Variants in GANAB observed in about 807,000 individuals in gnomAD.
The protein encoded by GANAB is glucosidase II alpha subunit, also known as neutral alpha-glucosidase AB.
In GANAB, 35 loss-of-function variants were observed where a neutral mutation model predicts 129.9. The observed-to-expected ratio is 0.27, with a 90% confidence interval of 0.21 to 0.36. The LOEUF is 0.36. GANAB is among the 10% of genes least tolerant of loss of function. The pLI, the probability that GANAB is intolerant of heterozygous loss-of-function variation, is 1.00. For missense variants in GANAB, 939 were observed against 1,221.0 expected (o/e 0.77, Z 3.44); for synonymous variants, 482 against 451.8 (o/e 1.07, Z -0.85).
chr11:62,630,306 C>T, intron 12 of GANAB, 30 bp from the exon 13 acceptor site: 1 of 1,612,892 alleles, frequency 6.2e-7, no homozygotes, highest in Non-Finnish European at 8.5e-7. Context: ...GCTCTCAATC[C>T]CCTAAGGGGC....
rs749393909 is a variant in GANAB, at chr11:62,630,392, G to A, written c.1500C>T (p.Gly500=). 2 of 1,614,166 alleles carry A rather than the reference G, an allele frequency of 1.2e-6. No homozygotes were observed. Among genetic ancestry groups the A allele is most frequent in the South Asian group, 2.2e-5 (2 of 91,090 alleles). Residue 500 remains glycine, a synonymous_variant, in exon 12 of 24, where the codon GGC becomes GGT. Transcript: ENST00000356638. ...VKTRDGSDYE[G]WCWPGSAGYP... ...GGGTCTGCTTACCTGGCCAGCACCAGCCCTCATAGTCAGAGCCATCCCGGG... is the reference window on the plus strand; with the variant it reads ...GGGTCTGCTTACCTGGCCAGCACCAACCCTCATAGTCAGAGCCATCCCGGG...
intron 17 of GANAB, 132 bp from the exon 18 acceptor site, chr11:62,627,485 A>G (rs1943449580): frequency 1.6e-6 from 1 of 619,696 alleles, no homozygotes; most frequent in Non-Finnish European, 2.9e-6. Context: ...TAATCCCAAC[A>G]CTTTGGGAGG....
intron 17 of GANAB, among the ~76,000 whole-genome samples, chr11:62,627,796 C>CA (rs1410776330): frequency 6.6e-6 from 1 of 152,150 alleles, no homozygotes. Context: ...TGCAGTCAGA[C>CA]AGTCGGGTTG....
At chr11:62,630,914 G>C in intron 10 of GANAB, 78 bp from the exon 11 acceptor site, 3 of 1,475,740 alleles carry the variant, frequency 2.0e-6, no homozygotes, top group Non-Finnish European at 2.8e-6. Context: ...TTGTGAACTA[G>C]AGGCAGGCTG....
rs1943387961 is a variant in GANAB, at chr11:62,626,566, C to A, written c.2511+5G>T. The A allele has an allele frequency of 6.3e-7, 1 of 1,588,176 alleles. No homozygotes were observed. On this transcript the variant is annotated splice_donor_5th_base_variant and intron_variant, in intron 21 of 23. Coordinates refer to ENST00000356638, the MANE Select transcript of GANAB (RefSeq NM_198334.3). ...GCTGAGGAGACTCGCTGCCTATGCA[C>A]TTACCTGAGGGCTAAGTGCAACAAA...
At chr11:62,632,954 C>T in intron 8 of GANAB, 51 bp downstream of exon 8, 1 of 1,159,844 alleles carries the variant, frequency 8.6e-7, no homozygotes. Flanking sequence ...CCCTAAAGGC[C>T]TGACTCCTTC....
intron 17 of GANAB, 79 bp downstream of exon 17, chr11:62,628,688 AAG>A: frequency 1.4e-6 from 2 of 1,437,458 alleles, no homozygotes; most frequent in Non-Finnish European, 1.9e-6. Context: ...TGAGTGAAGA[AAG>A]AGACCCAGAG....
rs774283742 is a variant in GANAB at position 62,627,312 on chromosome 11, T to C, written c.2222A>G (p.Asn741Ser). Residue 741 changes from asparagine to serine, a missense_variant, in exon 18 of 24, where the codon AAT becomes AGT. By Grantham distance (46) the Asn-to-Ser change is conservative. This residue lies in a region of GANAB where 230 missense variants were observed against 259.9 expected (regional missense o/e 0.89). Transcript: ENST00000356638. ...ACCAAGCAAGTACTGATCATCTATA[T>C]TGAAGGTAGTCACATCCTGAGGGTA... The part of the protein sequence containing the change: ...VQYPQDVTTF[N>S]IDDQYLLGDA... 16 of 1,583,314 alleles carry C rather than the reference T, an allele frequency of 1.0e-5. No homozygotes were observed. The East Asian group carries it at 2.2e-4, about 22-fold the overall frequency.
rs890126441 is a variant in GANAB at position 62,628,376 on chromosome 11, C to T, written c.2180+393G>A. Among the ~76,000 whole-genome samples, 7 of 151,856 alleles carry T rather than the reference C, an allele frequency of 4.6e-5. 1 individual carries two copies. The highest frequency in any genetic ancestry group is 1.0e-4 in the Non-Finnish European group (7 of 67,988). On this transcript the variant is annotated intron_variant, in intron 17 of 23. Transcript: ENST00000356638. ...GGATTACAGGCGCCATGATGCCCAG[C>T]TAATTTTTGTATTTTTAGTAGAGAT... is the stretch of plus-strand genomic sequence containing the variant.
chr11:62,636,403 C>A (rs897824926), intron 4 of GANAB, among the ~76,000 whole-genome samples: 2 of 150,246 alleles, frequency 1.3e-5, no homozygotes, highest in Admixed American at 6.6e-5. Context: ...GTGTTCAAGA[C>A]CAGACTGGGC....
At chr11:62,632,842 C>T (rs1204193907) in intron 8 of GANAB, 97 bp from the exon 9 acceptor site, 1 of 1,089,168 alleles carries the variant, frequency 9.2e-7, no homozygotes, top group Non-Finnish European at 1.4e-6. Context: ...TAAGCAAAGG[C>T]TCCTCTTGTC....
At chr11:62,641,304 A>G (rs1010932285) in intron 1 of GANAB, among the ~76,000 whole-genome samples, 1 of 145,930 alleles carries the variant, frequency 6.9e-6, no homozygotes, top group African/African-American at 2.5e-5. Context: ...AGATTGTGCT[A>G]CTGCACTCCA....
intron 23 of GANAB, 32 bp from the exon 24 acceptor site, chr11:62,625,956 T>C (rs777319548): frequency 4.7e-6 from 7 of 1,499,050 alleles, no homozygotes; most frequent in Non-Finnish European, 6.5e-6. Context: ...GCCATAGTCA[T>C]ACCAATGGGC....
Position 62,630,266 on chromosome 11 carries a change from A to T in GANAB, c.1524T>A (p.Gly508=). 6.2e-7 allele frequency: 1 copy of T among 1,613,644 alleles called. No individual in the cohort carries two copies. Among genetic ancestry groups the T allele is most frequent in the Non-Finnish European group, 8.5e-7 (1 of 1,179,732 alleles). Residue 508 remains glycine (G), a synonymous_variant, in exon 13 of 24, where the codon GGT becomes GGA. Coordinates refer to ENST00000356638, the MANE Select transcript of GANAB (RefSeq NM_198334.3). ...YEGWCWPGSA[G]YPDFTNPTMR... ...TCGTGGGATTAGTGAAGTCAGGGTAACCAGCTGAGCCTGGGAGAAGTTAAG... is the reference window on the plus strand; with the variant it reads ...TCGTGGGATTAGTGAAGTCAGGGTATCCAGCTGAGCCTGGGAGAAGTTAAG...
chr11:62,632,920 A>G, intron 8 of GANAB, 85 bp downstream of exon 8: 1 of 996,566 alleles, frequency 1.0e-6, no homozygotes, highest in East Asian at 2.4e-5. Flanking sequence ...GCTTGCCTAG[A>G]GTATCCAATA....
chr11:62,634,461 G>A (rs962917269), intron 5 of GANAB: 12 of 853,132 alleles, frequency 1.4e-5, no homozygotes, highest in African/African-American at 6.7e-5. Context: ...AGTTTCAGTC[G>A]ACAAACTTCC....
Position 62,625,124 on chromosome 11 carries a change from T to A in GANAB, c.*691A>T, listed in dbSNP as rs1216487884. ...GGGGGCAAAAGAAGTTTAATGCGCA[T>A]CCCCTAAGAGGTGTGGAAACGTCTT... On this transcript the variant is annotated 3_prime_UTR_variant, in exon 24 of 24. Transcript: ENST00000356638. The A allele has an allele frequency of 2.3e-6, 1 of 425,634 alleles. No homozygotes were observed. Among genetic ancestry groups the A allele is most frequent in the East Asian group, 7.2e-5 (1 of 13,870 alleles). The allele number at this position is 425,634 out of a possible 1,614,324, so 26.4% of individuals were successfully genotyped here.
rs749980643 is a variant in GANAB at position 62,626,329 on chromosome 11, C to CATT, written c.2624+3_2624+5dup. 1.3e-6 allele frequency: 2 copies of CATT among 1,577,490 alleles called. No individual in the cohort carries two copies. The highest frequency in any genetic ancestry group is 1.7e-6 in the Non-Finnish European group (2 of 1,146,574). ...GGCAGCCAAGGAAGAGTGGGTGACCCATTACCTGGAGACAAGGGTGTTGCC... is the reference window on the plus strand; with the variant it reads ...GGCAGCCAAGGAAGAGTGGGTGACCCATTATTACCTGGAGACAAGGGTGTTGCC... On this transcript the variant is annotated splice_donor_region_variant and intron_variant, in intron 22 of 23. Coordinates refer to ENST00000356638, the MANE Select transcript of GANAB (RefSeq NM_198334.3).
At chr11:62,633,415 T>A (rs765344113) in intron 6 of GANAB, 30 bp downstream of exon 6, 1 of 1,609,732 alleles carries the variant, frequency 6.2e-7, no homozygotes, top group African/African-American at 1.3e-5. Flanking sequence ...GCCAGCCCTA[T>A]CCTCCAACCA....
Sources: gnomAD v4.1 joint callset for allele counts (sites outside exome capture counted in the v4.1 genomes callset) on GRCh38, gnomAD v4.1.1 for gene constraint, gnomAD v4.1.1 regional missense constraint, MANE v1.5 for transcripts, NCBI Gene and HGNC (gene_info 2026-07-23, HGNC 2026-07-21) for gene names.